The following OSBPL5 variants were observed in gnomAD, a reference collection of about 807,000 sequenced individuals.
OSBPL5 encodes the protein oxysterol-binding protein-related protein 5.
A neutral mutation model predicts 111.2 loss-of-function variants in OSBPL5; 71 were observed. The observed-to-expected ratio is 0.64, with a 90% CI of 0.53 to 0.78. OSBPL5 has a LOEUF of 0.78. Ranked by LOEUF, OSBPL5 falls within the 30% of genes least tolerant of loss-of-function variation. The pLI, the probability that OSBPL5 is intolerant of heterozygous loss-of-function variation, is 0.00. For missense variants in OSBPL5, 1,210 were observed against 1,189.3 expected (o/e 1.02, Z -0.26); for synonymous variants, 549 against 513.9 (o/e 1.07, Z -0.93).
At chr11:3,164,976 G>A (rs1847075098) in intron 1 of OSBPL5, among the ~76,000 whole-genome samples, 1 of 143,130 alleles carries the variant, frequency 7.0e-6, no homozygotes, top group Non-Finnish European at 1.5e-5. Context: ...GTCCTGGCCC[G>A]GGGCGCCCCC....
intron 7 of OSBPL5, among the ~76,000 whole-genome samples, chr11:3,114,382 G>A (rs1438427672): frequency 2.0e-5 from 3 of 151,722 alleles, no homozygotes; most frequent in African/African-American, 4.8e-5. Flanking sequence ...ATGACTGGTT[G>A]TTTAAGAAAG....
intron 3 of OSBPL5, among the ~76,000 whole-genome samples, chr11:3,123,352 G>A (rs1858490640): frequency 6.6e-6 from 1 of 152,086 alleles, no homozygotes; most frequent in South Asian, 2.1e-4. Context: ...GTTTTAATCA[G>A]TTGAAAAAAA....
chr11:3,091,314 C>A (rs965294246), intron 19 of OSBPL5, among the ~76,000 whole-genome samples: 4 of 152,194 alleles, frequency 2.6e-5, no homozygotes, highest in Non-Finnish European at 5.9e-5. Context: ...TAACAACAGG[C>A]GTTTGGGGCC....
intron 1 of OSBPL5, among the ~76,000 whole-genome samples, chr11:3,160,358 G>A (rs1053364802): frequency 4.6e-5 from 7 of 152,226 alleles, no homozygotes; most frequent in Admixed American, 2.0e-4. Flanking sequence ...CTGCTGCGCC[G>A]TATTCACCGC....
rs1007392110 is a variant in OSBPL5 at position 3,105,317 on chromosome 11, C to T, written c.1060-940G>A. 1.3e-5 allele frequency among the ~76,000 whole-genome samples: 2 copies of T among 152,200 alleles called. No individual in the cohort carries two copies. Among genetic ancestry groups the T allele is most frequent in the Admixed American group, 6.5e-5 (1 of 15,284 alleles). ...TCTCATCCCCGCTGCTGGGACTCCT[C>T]AGGCAAATGGCTTCGCCTCTCTGTG... On this transcript the variant is annotated intron_variant, in intron 9 of 21. Coordinates refer to ENST00000263650, the MANE Select transcript of OSBPL5 (RefSeq NM_020896.4). The surrounding 1 kb of genome is among the most constrained non-coding windows in gnomAD (Gnocchi z 5.2).
chr11:3,108,929 C>T (rs1440114025), intron 7 of OSBPL5, among the ~76,000 whole-genome samples: 8 of 151,834 alleles, frequency 5.3e-5, no homozygotes, highest in African/African-American at 4.8e-5. Flanking sequence ...CCACCACACC[C>T]GGCTAATTTT....
chr11:3,159,701 T>C (rs1040031940), intron 1 of OSBPL5, among the ~76,000 whole-genome samples: 6 of 152,184 alleles, frequency 3.9e-5, no homozygotes, highest in Admixed American at 1.3e-4. Context: ...GGGCCACGGC[T>C]GGGTGGGGTG....
chr11:3,119,472 C>T (rs2134452467), intron 7 of OSBPL5, 75 bp downstream of exon 7: 2 of 1,435,304 alleles, frequency 1.4e-6, no homozygotes, highest in East Asian at 2.6e-5. Context: ...CCACCTGTAC[C>T]TGGGCTACAA....
Position 3,093,026 on chromosome 11 carries a change from AT to A in OSBPL5, c.1972del (p.Ile658SerfsTer61). ...GGCCCTGTGCTGGTCGCCCTTGCTG[AT>A]GGCCCTGGTGACGTGCTGCCAGAGC... Reference protein sequence around the residue: ...ERLWQHVTRAISKGDQHRATQ... With the variant: ...ERLWQHVTRAXSKGDQHRATQ... On this transcript the variant is annotated frameshift_variant, in exon 18 of 22. Transcript: ENST00000263650. LOFTEE classifies it high-confidence loss of function. 1 of 1,597,778 alleles carries A rather than the reference AT, an allele frequency of 6.3e-7. No individual in the cohort carries two copies. The highest frequency in any genetic ancestry group is 8.5e-7 in the Non-Finnish European group (1 of 1,173,404).
intron 1 of OSBPL5, among the ~76,000 whole-genome samples, chr11:3,155,593 T>G (rs955342836): frequency 5.6e-5 from 6 of 107,284 alleles, no homozygotes; most frequent in African/African-American, 1.8e-4. Context: ...TGCCACTCAC[T>G]CCCCCCAGCT....
chr11:3,135,163 G>A (rs890986431), intron 1 of OSBPL5, among the ~76,000 whole-genome samples: 1 of 152,234 alleles, frequency 6.6e-6, no homozygotes. Flanking sequence ...GCGCCCTGGC[G>A]GTGCTTCGCT....
intron 1 of OSBPL5, among the ~76,000 whole-genome samples, chr11:3,157,383 G>A (rs1462730303): frequency 3.3e-5 from 5 of 152,298 alleles, no homozygotes; most frequent in African/African-American, 4.8e-5. Context: ...AGAAGGTGAC[G>A]TCCCCAGGAG....
rs1260413856 is a variant in OSBPL5 at position 3,129,005 on chromosome 11, G to T, written c.136+8C>A. On this transcript the variant is annotated splice_region_variant and intron_variant, in intron 2 of 21. Transcript: ENST00000263650. ...GGCCAGGTTGCCCTGCCCACGGCCG[G>T]CACTTACCTGGGCTGAGTGGGTAGA... 6.5e-7 allele frequency: 1 copy of T among 1,549,416 alleles called. No homozygotes were observed. Among genetic ancestry groups the T allele is most frequent in the South Asian group, 1.2e-5 (1 of 83,706 alleles).
In OSBPL5 at chr11:3,162,579, G is replaced by T. The variant is rs1846997455; in HGVS notation, c.-22+2637C>A. Among the ~76,000 whole-genome samples the T allele has an allele frequency of 6.6e-6, 1 of 151,946 alleles. No individual in the cohort carries two copies. The highest frequency in any genetic ancestry group is 1.5e-5 in the Non-Finnish European group (1 of 68,000). ...ACGCGGTCCTTAGTCCAAGTCCTTTGTACTCGACCGCCAACCCTACCACTC... is the reference window on the plus strand; with the variant it reads ...ACGCGGTCCTTAGTCCAAGTCCTTTTTACTCGACCGCCAACCCTACCACTC... On this transcript the variant is annotated intron_variant, in intron 1 of 21. Transcript: ENST00000263650. The surrounding 1 kb of genome is among the most constrained non-coding windows in gnomAD (Gnocchi z 8.1).
chr11:3,097,878 C>A (rs1283185959), intron 14 of OSBPL5, among the ~76,000 whole-genome samples: 3 of 152,100 alleles, frequency 2.0e-5, no homozygotes, highest in Non-Finnish European at 2.9e-5. Context: ...ACCAGCCTGG[C>A]CAACACGGTG....
intron 1 of OSBPL5, among the ~76,000 whole-genome samples, chr11:3,129,585 A>G (rs1858755424): frequency 6.6e-6 from 1 of 152,112 alleles, no homozygotes; most frequent in African/African-American, 2.4e-5. Context: ...TAGAGCTTCC[A>G]TGGAGAAGAT....
In OSBPL5 at chr11:3,097,842, G is replaced by A. The variant is rs550972636; in HGVS notation, c.1621+2316C>T. Among the ~76,000 whole-genome samples, 6 of 152,258 alleles carry A rather than the reference G, an allele frequency of 3.9e-5. No homozygotes were observed. In the East Asian group the frequency reaches 7.7e-4, roughly 20 times the overall value. On this transcript the variant is annotated intron_variant, in intron 14 of 21. Transcript: ENST00000263650. ...AGCACTTTGGGAGGCCGAGGCAGGC[G>A]GATCACCCGAGGTCAGGAGTTTGAG...
Position 3,109,169 on chromosome 11 carries a change from C to T in OSBPL5, c.692-1224G>A, listed in dbSNP as rs949849925. ...GTAGGGTGATCTCAGCTCGCTGCAACCTCTGACTCCAGGGTTCAAGTGATT... is the reference window on the plus strand; with the variant it reads ...GTAGGGTGATCTCAGCTCGCTGCAATCTCTGACTCCAGGGTTCAAGTGATT... On this transcript the variant is annotated intron_variant, in intron 7 of 21. Transcript: ENST00000263650. The surrounding 1 kb of genome is among the most constrained non-coding windows in gnomAD (Gnocchi z 7.4). Among the ~76,000 whole-genome samples, 16 of 152,158 alleles carry T rather than the reference C, an allele frequency of 1.1e-4. No homozygotes were observed. Among genetic ancestry groups the T allele is most frequent in the African/African-American group, 3.4e-4 (14 of 41,490 alleles).
At position 3,092,550 on chromosome 11, in the gene OSBPL5, G is replaced by C; in HGVS notation, c.2141C>G (p.Pro714Arg). 1.3e-6 allele frequency: 2 copies of C among 1,590,762 alleles called. No homozygotes were observed. The highest frequency in any genetic ancestry group is 1.7e-6 in the Non-Finnish European group (2 of 1,168,654). The stretch of plus-strand genomic sequence containing the variant: ...GGCGATGTCCTTCAGGGGGTCCCAG[G>C]GGCTGTGGCTGGAGGGTCCAGAGGG... The part of the protein sequence containing the change: ...EWHYRYEDHS[P>R]WDPLKDIAQF... Residue 714 changes from proline (P) to arginine (R), a missense_variant, in exon 19 of 22, where the codon CCC becomes CGC. Physicochemically the swap from Pro to Arg is moderately radical, Grantham distance 103. Transcript: ENST00000263650. The surrounding 1 kb of genome is among the most constrained non-coding windows in gnomAD (Gnocchi z 5.4).
Sources: gnomAD v4.1 joint callset for allele counts (sites outside exome capture counted in the v4.1 genomes callset) on GRCh38, gnomAD v4.1.1 for gene constraint, Gnocchi (gnomAD v3.1) non-coding constraint, MANE v1.5 for transcripts, NCBI Gene and HGNC (gene_info 2026-07-23, HGNC 2026-07-21) for gene names.